CIMIP5: variants seen among roughly 807,000 people sequenced by gnomAD.
The protein encoded by CIMIP5 is ciliary microtubule inner protein 5, also known as uncharacterized protein C2orf50.
the CIMIP5 span, among the ~76,000 whole-genome samples, chr2:11,153,718 A>G: frequency 0.91 from 138,242 of 152,170 alleles, 62,859 homozygotes; most frequent in East Asian, 1. Context: ...AGGCCAAGGC[A>G]GGTGGATCAC....
the CIMIP5 span, among the ~76,000 whole-genome samples, chr2:11,138,077 C>T: frequency 2.0e-5 from 3 of 152,194 alleles, no homozygotes; most frequent in African/African-American, 7.2e-5. Flanking sequence ...ATCTCCTGAC[C>T]TCGTGATCTG....
At chr2:11,133,624 T>C in the CIMIP5 span, 1 of 1,553,484 alleles carries the variant, frequency 6.4e-7, no homozygotes. Flanking sequence ...CCACCCTGAC[T>C]CCGCAGCCTG....
At chr2:11,149,118 G>T in the CIMIP5 span, among the ~76,000 whole-genome samples, 5 of 152,068 alleles carry the variant, frequency 3.3e-5, no homozygotes, top group Admixed American at 2.0e-4. Context: ...ACTGACTTAG[G>T]CAAGAATCAA....
At chr2:11,133,212 C>A in the CIMIP5 span, 1 of 1,242,194 alleles carries the variant, frequency 8.1e-7, no homozygotes. Context: ...GAGGACCCTG[C>A]CCAGGCTCTC....
chr2:11,144,117 A>T, the CIMIP5 span: 2 of 1,570,822 alleles, frequency 1.3e-6, no homozygotes, highest in Non-Finnish European at 1.7e-6. Flanking sequence ...TCTAGGAGCA[A>T]GGAGGGCTGG....
the CIMIP5 span, among the ~76,000 whole-genome samples, chr2:11,150,831 G>A: frequency 6.6e-6 from 1 of 151,352 alleles, no homozygotes; most frequent in Admixed American, 6.6e-5. Flanking sequence ...AATTCCTTGT[G>A]GGCCTCAAGA....
chr2:11,140,401 A>G, the CIMIP5 span: 2 of 540,058 alleles, frequency 3.7e-6, no homozygotes, highest in Non-Finnish European at 5.9e-6. Flanking sequence ...AAAAAAAATT[A>G]TTTAGTTCTT....
the CIMIP5 span, among the ~76,000 whole-genome samples, chr2:11,151,133 A>G: frequency 1.3e-5 from 2 of 152,216 alleles, no homozygotes; most frequent in Admixed American, 1.3e-4. Flanking sequence ...TCTCTTATCT[A>G]CCTATGACCT....
At chr2:11,143,042 G>A in the CIMIP5 span, among the ~76,000 whole-genome samples, 3 of 152,090 alleles carry the variant, frequency 2.0e-5, no homozygotes, top group Non-Finnish European at 2.9e-5. Context: ...GCATGCATCC[G>A]TTACAGAGTT....
chr2:11,140,443 C>A, the CIMIP5 span: 4 of 1,119,670 alleles, frequency 3.6e-6, no homozygotes, highest in South Asian at 1.7e-5. Flanking sequence ...TGACTTGACA[C>A]AGTGAAAGTC....
the CIMIP5 span, among the ~76,000 whole-genome samples, chr2:11,139,529 C>G: frequency 1.3e-5 from 2 of 152,174 alleles, no homozygotes; most frequent in African/African-American, 2.4e-5. Flanking sequence ...TCTCCCTAGC[C>G]TTCCTCTATC....
chr2:11,138,408 C>G, the CIMIP5 span, among the ~76,000 whole-genome samples: 5 of 152,114 alleles, frequency 3.3e-5, no homozygotes, highest in Non-Finnish European at 7.4e-5. Context: ...CGATACATAT[C>G]AATTTAACTG....
the CIMIP5 span, among the ~76,000 whole-genome samples, chr2:11,137,654 GAT>G: frequency 6.6e-6 from 1 of 152,184 alleles, no homozygotes; most frequent in African/African-American, 2.4e-5. Flanking sequence ...TGAGTCCACA[GAT>G]ATTGGAGTAG....
chr2:11,136,655 G>T, the CIMIP5 span, among the ~76,000 whole-genome samples: 37 of 152,322 alleles, frequency 2.4e-4, 1 homozygote, highest in South Asian at 7.7e-3. Context: ...TGTTTTGGGG[G>T]TGATGAAATG....
chr2:11,143,609 A>G, the CIMIP5 span, among the ~76,000 whole-genome samples: 442 of 152,130 alleles, frequency 2.9e-3, 1 homozygote, highest in African/African-American at 0.01. Context: ...CCAGATGTAA[A>G]GTGGCATCTT....
the CIMIP5 span, among the ~76,000 whole-genome samples, chr2:11,149,541 G>T: frequency 4.0e-5 from 6 of 151,850 alleles, no homozygotes; most frequent in Non-Finnish European, 8.8e-5. Context: ...CCGCATCTCT[G>T]CTAAAAATAC....
At chr2:11,153,665 C>T in the CIMIP5 span, among the ~76,000 whole-genome samples, 36,378 of 152,120 alleles carry the variant, frequency 0.24, 4,720 homozygotes, top group East Asian at 0.48. Flanking sequence ...AAGCTCTTTA[C>T]GCTGGGCGCG....
the CIMIP5 span, among the ~76,000 whole-genome samples, chr2:11,135,491 T>C: frequency 0.16 from 24,870 of 151,628 alleles, 5,835 homozygotes; most frequent in African/African-American, 0.52. Context: ...AGTGAAGTGG[T>C]GTGATCTCGG....
the CIMIP5 span, among the ~76,000 whole-genome samples, chr2:11,140,299 C>T: frequency 2.7e-5 from 4 of 150,278 alleles, no homozygotes; most frequent in East Asian, 5.8e-4. Context: ...GGCGTGAACC[C>T]GGGAGGCGGA....
Sources: allele counts gnomAD v4.1 joint callset (sites outside exome capture counted in the v4.1 genomes callset), GRCh38; gene constraint gnomAD v4.1.1; transcripts MANE v1.5; gene names NCBI Gene and HGNC (gene_info 2026-07-23, HGNC 2026-07-21).